CYP2J2: variants seen among roughly 807,000 people sequenced by gnomAD.
CYP2J2 encodes cytochrome P450 2J2.
Under a neutral mutation model 48.8 loss-of-function variants are expected in CYP2J2, and 41 were observed. The ratio of observed to expected loss-of-function variants is 0.84; its 90% CI spans 0.66 to 1.09. The LOEUF is 1.09. CYP2J2 is among the 50% of genes least tolerant of loss of function. CYP2J2 has a pLI of 0.00. For missense variants in CYP2J2, 644 were observed against 617.3 expected (o/e 1.04, Z -0.46); for synonymous variants, 221 against 227.1 (o/e 0.97, Z 0.24).
chr1:59,926,822 C>T, upstream of CYP2J2: 1 of 1,367,452 alleles, frequency 7.3e-7, no homozygotes. Flanking sequence ...CGCCCCGCCT[C>T]GCTCCCAGCC....
intron 7 of CYP2J2, among the ~76,000 whole-genome samples, chr1:59,902,698 A>C (rs972421716): frequency 1.3e-5 from 2 of 152,202 alleles, no homozygotes; most frequent in African/African-American, 4.8e-5. Flanking sequence ...TACGGGTGTG[A>C]GCCACCATGC....
chr1:59,966,514 C>G, the CYP2J2 span, among the ~76,000 whole-genome samples: 1 of 152,158 alleles, frequency 6.6e-6, no homozygotes, highest in African/African-American at 2.4e-5. Flanking sequence ...AAACACAGGT[C>G]TTTGACTCCA....
the CYP2J2 span, among the ~76,000 whole-genome samples, chr1:59,940,281 T>C: frequency 3.5e-4 from 54 of 152,288 alleles, no homozygotes; most frequent in African/African-American, 1.3e-3. Flanking sequence ...ACTCTTCAGT[T>C]AGCAAGTGAT....
rs1210516869 is a variant in CYP2J2 at position 59,912,093 on chromosome 1, A to C, written c.523+69T>G. The C allele has an allele frequency of 2.0e-6, 3 of 1,488,392 alleles. No homozygotes were observed. The African/African-American group carries it at 4.2e-5, about 21-fold the overall frequency. 92.2% of individuals were successfully genotyped at this position (1,488,392 alleles called of 1,614,324 possible). ...CTGGGCATAGAACAAGCACTTACTCACTTAGTAAGTATCTGTCCAATGAAC... is the reference window on the plus strand; with the variant it reads ...CTGGGCATAGAACAAGCACTTACTCCCTTAGTAAGTATCTGTCCAATGAAC... On this transcript the variant is annotated intron_variant, in intron 3 of 8. Coordinates refer to ENST00000371204, the MANE Select transcript of CYP2J2 (RefSeq NM_000775.4).
chr1:59,968,169 G>T, the CYP2J2 span, among the ~76,000 whole-genome samples: 1 of 152,142 alleles, frequency 6.6e-6, no homozygotes, highest in Non-Finnish European at 1.5e-5. Context: ...GAAAAGGTTG[G>T]TACTGCCTGA....
the CYP2J2 span, among the ~76,000 whole-genome samples, chr1:59,967,956 T>A: frequency 6.6e-6 from 1 of 152,288 alleles, no homozygotes. Flanking sequence ...TGTGTGAGTC[T>A]CACATTTTTC....
intron 7 of CYP2J2, among the ~76,000 whole-genome samples, chr1:59,901,310 G>T (rs774258291): frequency 3.3e-5 from 5 of 152,158 alleles, no homozygotes; most frequent in Non-Finnish European, 7.3e-5. Flanking sequence ...GGATTTCCCT[G>T]CTGGGAATTT....
the CYP2J2 span, among the ~76,000 whole-genome samples, chr1:59,939,641 GGTTT>G: frequency 6.6e-6 from 1 of 152,180 alleles, no homozygotes; most frequent in East Asian, 1.9e-4. Flanking sequence ...AAGCCAGCCA[GGTTT>G]GTGTTCTTCC....
At chr1:59,927,965 A>G (rs1025920954), upstream of CYP2J2, among the ~76,000 whole-genome samples, 1 of 152,202 alleles carries the variant, frequency 6.6e-6, no homozygotes, top group Non-Finnish European at 1.5e-5. Context: ...TTCCTGTTTT[A>G]CTACAGCTGT....
the CYP2J2 span, among the ~76,000 whole-genome samples, chr1:59,951,987 G>A: frequency 6.6e-6 from 1 of 152,028 alleles, no homozygotes; most frequent in Non-Finnish European, 1.5e-5. Context: ...TAATATCAGG[G>A]GTAGGGTCTG....
the CYP2J2 span, among the ~76,000 whole-genome samples, chr1:59,939,286 C>T: frequency 6.6e-6 from 1 of 152,170 alleles, no homozygotes; most frequent in Admixed American, 6.5e-5. Flanking sequence ...GCTGTATCTG[C>T]ATTAGGGAGC....
the CYP2J2 span, among the ~76,000 whole-genome samples, chr1:59,951,646 C>T: frequency 7.2e-5 from 11 of 152,074 alleles, no homozygotes; most frequent in Non-Finnish European, 1.2e-4. Context: ...ATGAGCCTAC[C>T]TTATTTCTGA....
In CYP2J2 at chr1:59,893,602, C is replaced by T; in HGVS notation, c.*49G>A. On this transcript the variant is annotated 3_prime_UTR_variant, in exon 9 of 9. Transcript: ENST00000371204. ...TGAGCAGACACCAGTGGTTTCAGAA[C>T]ACGTGCCATGTCTTCTTACTTTCCT... 7.1e-7 allele frequency: 1 copy of T among 1,418,410 alleles called. No individual in the cohort carries two copies. Among genetic ancestry groups the T allele is most frequent in the Non-Finnish European group, 9.6e-7 (1 of 1,039,336 alleles). 87.9% of individuals were successfully genotyped at this position (1,418,410 alleles called of 1,614,324 possible).
At chr1:59,895,518 A>T (rs1051187350) in intron 8 of CYP2J2, among the ~76,000 whole-genome samples, 2 of 152,218 alleles carry the variant, frequency 1.3e-5, no homozygotes, top group Admixed American at 6.5e-5. Flanking sequence ...GTTCTCTTGT[A>T]AAATTATTCT....
intron 8 of CYP2J2, among the ~76,000 whole-genome samples, chr1:59,900,634 T>A (rs1240545105): frequency 7.2e-5 from 11 of 152,008 alleles, no homozygotes; most frequent in Admixed American, 5.2e-4. Flanking sequence ...AAACTTCGTA[T>A]CAAAAAAAGA....
chr1:59,958,426 C>T, the CYP2J2 span, among the ~76,000 whole-genome samples: 1 of 152,168 alleles, frequency 6.6e-6, no homozygotes, highest in Non-Finnish European at 1.5e-5. Context: ...GGAATACCGC[C>T]TCCCCCATAG....
intron 1 of CYP2J2, among the ~76,000 whole-genome samples, chr1:59,924,527 A>G (rs570319925): frequency 6.6e-6 from 1 of 152,256 alleles, no homozygotes; most frequent in Admixed American, 6.5e-5. Flanking sequence ...AGAGAGGGTA[A>G]AGGAACCTAA....
chr1:59,896,320 C>T (rs1011216249), intron 8 of CYP2J2, among the ~76,000 whole-genome samples: 23 of 149,834 alleles, frequency 1.5e-4, no homozygotes, highest in Admixed American at 1.5e-3. Context: ...TATATATATA[C>T]ACACCAAGTA....
chr1:59,905,530 C>T lies in CYP2J2; in HGVS notation c.1004-472G>A, dbSNP rs187144893. Among the ~76,000 whole-genome samples, 45 of 152,174 alleles carry T rather than the reference C, an allele frequency of 3.0e-4. 1 individual carries two copies. The highest frequency in any genetic ancestry group is 2.0e-4 in the Admixed American group (3 of 15,304). ...ATATAAATTTGGGCTGGGGTGGGCC[C>T]AAGTATTCAACCCATAGCAGATCTA... On this transcript the variant is annotated intron_variant, in intron 6 of 8. Transcript: ENST00000371204.
Sources: allele counts gnomAD v4.1 joint callset (sites outside exome capture counted in the v4.1 genomes callset), GRCh38; gene constraint gnomAD v4.1.1; transcripts MANE v1.5; gene names NCBI Gene and HGNC (gene_info 2026-07-23, HGNC 2026-07-21).